The following PREP variants were observed in gnomAD, a reference collection of about 807,000 sequenced individuals.
PREP encodes dJ355L5.1 (prolyl endopeptidase).
PREP carries 29 observed loss-of-function variants against 87.6 expected under a neutral mutation model. The observed-to-expected ratio is 0.33, with a 90% CI of 0.25 to 0.45. The LOEUF (loss-of-function observed/expected upper bound fraction) is 0.45. Ranked by LOEUF, PREP falls within the 20% of genes least tolerant of loss-of-function variation. The pLI is 1.00. For missense variants in PREP, 695 were observed against 886.5 expected, an observed-to-expected ratio of 0.78 and a Z score of 2.74; for synonymous variants, 337 against 328.6, an observed-to-expected ratio of 1.03 and a Z score of -0.28.
At chr6:105,345,860 G>T (rs528854342) in intron 7 of PREP, among the ~76,000 whole-genome samples, 26 of 152,272 alleles carry the variant, frequency 1.7e-4, no homozygotes, top group Admixed American at 1.4e-3. Flanking sequence ...TGAATGAGAG[G>T]CCTACATTTG....
At position 105,402,995 on chromosome 6, in the gene PREP, G is replaced by A. The variant is rs1055102470; in HGVS notation, c.-104C>T. 141 of 481,960 alleles carry A rather than the reference G, an allele frequency of 2.9e-4. 1 individual carries two copies. The highest frequency in any genetic ancestry group is 2.5e-3 in the African/African-American group (125 of 49,048). 29.9% of individuals were successfully genotyped at this position (481,960 alleles called of 1,614,324 possible). A position where few individuals can be genotyped will look rare whatever the true frequency, so the allele number is the denominator to read the frequency against. On this transcript the variant is annotated 5_prime_UTR_variant, in exon 1 of 15. Transcript: ENST00000652536. Reference sequence around the variant, plus strand: ...GCGCGGCTGGGGCGCAGGCAGCTGCGGGGCGGCCGGCGGCAGCGGGCGGCC... The same window carrying A: ...GCGCGGCTGGGGCGCAGGCAGCTGCAGGGCGGCCGGCGGCAGCGGGCGGCC...
chr6:105,396,955 G>A (rs181847598), intron 2 of PREP, among the ~76,000 whole-genome samples: 7 of 152,100 alleles, frequency 4.6e-5, no homozygotes, highest in Admixed American at 1.3e-4. Flanking sequence ...AGGCCGAGGC[G>A]GGAGGATCAC....
chr6:105,323,047 A>C, intron 10 of PREP: 1 of 1,304,090 alleles, frequency 7.7e-7, no homozygotes, highest in Non-Finnish European at 1.0e-6. Context: ...AGGAACAGAG[A>C]CATTCTTCGT....
intron 7 of PREP, among the ~76,000 whole-genome samples, chr6:105,341,564 AC>A (rs1383376689): frequency 1.3e-5 from 2 of 152,224 alleles, no homozygotes; most frequent in Non-Finnish European, 1.5e-5. Flanking sequence ...AGATAGAGAC[AC>A]AAAAAACCCT....
At chr6:105,287,088 A>G (rs1242330580) in intron 11 of PREP, among the ~76,000 whole-genome samples, 2 of 151,834 alleles carry the variant, frequency 1.3e-5, no homozygotes, top group Non-Finnish European at 2.9e-5. Flanking sequence ...AAACCCCAAC[A>G]TTTATCGTCT....
At position 105,397,849 on chromosome 6, in the gene PREP, T is replaced by A. The variant is rs778632281; in HGVS notation, c.120+4A>T. 1.3e-6 allele frequency: 2 copies of A among 1,598,868 alleles called. 1 individual carries two copies. Among genetic ancestry groups the A allele is most frequent in the South Asian group, 2.2e-5 (2 of 90,666 alleles). On this transcript the variant is annotated splice_donor_region_variant and intron_variant, in intron 2 of 14. Coordinates refer to ENST00000652536, the MANE Select transcript of PREP (RefSeq NM_002726.5). ...GCCTTATCTTTAATTAGAAACCAAA[T>A]TACCTTAGTCTGTTCACTGTCGGGG...
At chr6:105,318,262 A>G (rs1304391386) in intron 10 of PREP, among the ~76,000 whole-genome samples, 1 of 152,220 alleles carries the variant, frequency 6.6e-6, no homozygotes, top group Non-Finnish European at 1.5e-5. Context: ...CCAATAAGAC[A>G]TAAGCAGATA....
At chr6:105,349,054 A>G (rs1475955777) in intron 7 of PREP, among the ~76,000 whole-genome samples, 1 of 151,772 alleles carries the variant, frequency 6.6e-6, no homozygotes, top group South Asian at 2.1e-4. Context: ...ATTATTATAT[A>G]TAAGCTTCTA....
intron 9 of PREP, among the ~76,000 whole-genome samples, chr6:105,327,395 G>A (rs187318462): frequency 6.4e-4 from 97 of 152,294 alleles, no homozygotes; most frequent in Admixed American, 4.0e-3. Flanking sequence ...CCACATTCTT[G>A]TGGGTGCTTT....
intron 6 of PREP, among the ~76,000 whole-genome samples, chr6:105,357,676 C>T (rs1362880836): frequency 6.6e-6 from 1 of 152,118 alleles, no homozygotes; most frequent in Non-Finnish European, 1.5e-5. Flanking sequence ...ATTTAAACAA[C>T]ACACACTTAA....
chr6:105,355,178 T>C (rs1296253982), intron 6 of PREP, among the ~76,000 whole-genome samples: 1 of 149,916 alleles, frequency 6.7e-6, no homozygotes, highest in Non-Finnish European at 1.5e-5. Context: ...CTCTGCCTCC[T>C]GGGTTCCAGC....
intron 7 of PREP, among the ~76,000 whole-genome samples, chr6:105,336,096 A>G (rs1020119289): frequency 6.6e-6 from 1 of 152,064 alleles, no homozygotes; most frequent in Non-Finnish European, 1.5e-5. Context: ...TGTCTCTACT[A>G]AAAATACAAA....
intron 10 of PREP, among the ~76,000 whole-genome samples, chr6:105,318,662 C>T (rs150067217): frequency 4.7e-4 from 71 of 152,228 alleles, no homozygotes; most frequent in African/African-American, 1.6e-3. Flanking sequence ...AATGCTCAGG[C>T]AATAAATCAG....
At chr6:105,293,651 G>A (rs1478051735) in intron 10 of PREP, among the ~76,000 whole-genome samples, 1 of 149,184 alleles carries the variant, frequency 6.7e-6, no homozygotes, top group Non-Finnish European at 1.5e-5. Context: ...GTAAAATAAA[G>A]TATGCCTGTA....
intron 7 of PREP, among the ~76,000 whole-genome samples, chr6:105,348,250 A>G (rs1255777378): frequency 1.3e-5 from 2 of 152,236 alleles, no homozygotes; most frequent in African/African-American, 4.8e-5. Context: ...ACAAAAATTT[A>G]ATGAAAAAAT....
chr6:105,326,131 A>C lies in PREP; in HGVS notation c.1214-2363T>G, dbSNP rs527892991. 2.6e-5 allele frequency among the ~76,000 whole-genome samples: 4 copies of C among 152,326 alleles called. No homozygotes were observed. The South Asian group carries it at 8.3e-4, about 32-fold the overall frequency. On this transcript the variant is annotated intron_variant, in intron 9 of 14. Transcript: ENST00000652536. ...GTTGGGTTTTAACATTATTCAAAGA[A>C]AAAAACAAAAACAAGTCTCAAAAAG...
chr6:105,370,537 A>C (rs113533468), intron 5 of PREP, among the ~76,000 whole-genome samples: 2,235 of 152,212 alleles, frequency 0.015, 57 homozygotes, highest in African/African-American at 0.049. Context: ...TACCCAAAGG[A>C]GTTGAAAACT....
chr6:105,279,591 CT>C (rs551924489), intron 14 of PREP, among the ~76,000 whole-genome samples: 300 of 152,268 alleles, frequency 2.0e-3, no homozygotes, highest in African/African-American at 7.0e-3. Flanking sequence ...GGGGAAACAC[CT>C]TTTACTAATT....
At chr6:105,279,800 T>C (rs924303187) in intron 14 of PREP, among the ~76,000 whole-genome samples, 1 of 152,210 alleles carries the variant, frequency 6.6e-6, no homozygotes, top group South Asian at 2.1e-4. Flanking sequence ...TTTAGAACTT[T>C]CTTTGTTTTT....
Sources: gnomAD v4.1 joint callset for allele counts (sites outside exome capture counted in the v4.1 genomes callset) on GRCh38, gnomAD v4.1.1 for gene constraint, MANE v1.5 for transcripts, NCBI Gene and HGNC (gene_info 2026-07-23, HGNC 2026-07-21) for gene names.